Variants in RDH14 observed in about 807,000 individuals in gnomAD.
The protein encoded by RDH14 is alcohol dehydrogenase PAN2.
A neutral mutation model predicts 19.3 loss-of-function variants in RDH14; 17 were observed. The observed-to-expected ratio is 0.88, with a 90% CI of 0.60 to 1.32. The LOEUF (loss-of-function observed/expected upper bound fraction) is 1.32. Ranked by LOEUF, RDH14 falls within the 40% of genes most tolerant of loss-of-function variation. RDH14 has a pLI of 0.00. For synonymous variants in RDH14, 215 were observed against 188.9 expected, an observed-to-expected ratio of 1.14 and a Z score of -1.13; for missense variants, 534 against 449.2, an observed-to-expected ratio of 1.19 and a Z score of -1.71.
chr2:18,555,647 G>A lies in RDH14; in HGVS notation c.555C>T (p.Ser185=). ...GTTTGGAAGAAACTACCACAATCCT[G>A]CTGGGAGCTGAACTTTTGAGGAGTC... ...LLGLLKSSAP[S]RIVVVSSKLY... Residue 185 remains serine (S), a synonymous_variant, in exon 2 of 2, where the codon AGC becomes AGT. Transcript: ENST00000381249. 4 of 1,614,078 alleles carry A rather than the reference G, an allele frequency of 2.5e-6. No individual in the cohort carries two copies. The highest frequency in any genetic ancestry group is 3.4e-6 in the Non-Finnish European group (4 of 1,179,970).
chr2:18,558,307 TA>T (rs1270967902), intron 1 of RDH14, among the ~76,000 whole-genome samples: 1 of 152,222 alleles, frequency 6.6e-6, no homozygotes, highest in East Asian at 1.9e-4. Context: ...ATAAACATAT[TA>T]TTTTTTTCTT....
At position 18,555,462 on chromosome 2, in the gene RDH14, G is replaced by C; in HGVS notation, c.740C>G (p.Pro247Arg). The change falls in exon 2 of 2, where the codon CCT (proline) becomes CGT (arginine). Residue 247 changes from proline (P) to arginine (R), a missense_variant. Transcript: ENST00000381249. ...CCCCAGATTTGTCCGTACAATACCA[G>C]GATGCAACACATTGACGGTGACATT... is the stretch of plus-strand genomic sequence containing the variant. The part of the protein sequence containing the change: ...GTNVTVNVLH[P>R]GIVRTNLGRH... The C allele has an allele frequency of 1.2e-6, 2 of 1,614,146 alleles. No homozygotes were observed. Among genetic ancestry groups the C allele is most frequent in the Non-Finnish European group, 1.7e-6 (2 of 1,180,008 alleles).
chr2:18,555,538 G>GT lies in RDH14; in HGVS notation c.663dup (p.Leu222ThrfsTer3). 1 of 1,614,180 alleles carries GT rather than the reference G, an allele frequency of 6.2e-7. No individual in the cohort carries two copies. The highest frequency in any genetic ancestry group is 8.5e-7 in the Non-Finnish European group (1 of 1,180,000). ...TCCCTGGTAAAAAGAATGTTAGCCAGTTTGCTCCGGCTATAACAAAAGCTT... is the reference window on the plus strand; with the variant it reads ...TCCCTGGTAAAAAGAATGTTAGCCAGTTTTGCTCCGGCTATAACAAAAGCTT... On this transcript the variant is annotated frameshift_variant, in exon 2 of 2. Coordinates refer to ENST00000381249, the MANE Select transcript of RDH14 (RefSeq NM_020905.4). LOFTEE classifies it high-confidence loss of function.
At position 18,555,253 on chromosome 2, in the gene RDH14, C is replaced by T; in HGVS notation, c.949G>A (p.Asp317Asn). The T allele has an allele frequency of 6.2e-7, 1 of 1,614,118 alleles. No homozygotes were observed. Among genetic ancestry groups the T allele is most frequent in the Non-Finnish European group, 8.5e-7 (1 of 1,179,970 alleles). The change falls in exon 2 of 2, where the codon GAT becomes AAT. Residue 317 changes from aspartate (D) to asparagine (N), a missense_variant. Coordinates refer to ENST00000381249, the MANE Select transcript of RDH14 (RefSeq NM_020905.4). ...KEEELLPKAMDESVARKLWDI... is the reference protein window; with the variant it reads ...KEEELLPKAMNESVARKLWDI... ...CAGAGTTTTCTTGCAACAGATTCAT[C>T]CATAGCTTTGGGCAACAGTTCTTCC... is the stretch of plus-strand genomic sequence containing the variant.
chr2:18,558,003 G>T (rs750668050), intron 1 of RDH14, among the ~76,000 whole-genome samples: 1 of 152,202 alleles, frequency 6.6e-6, no homozygotes, highest in African/African-American at 2.4e-5. Flanking sequence ...TTAAATTTTC[G>T]AGGGAAACAC....
Position 18,555,014 on chromosome 2 carries a change from T to A in RDH14, c.*177A>T. The A allele has an allele frequency of 2.3e-6, 2 of 854,794 alleles. No homozygotes were observed. Among genetic ancestry groups the A allele is most frequent in the Non-Finnish European group, 3.4e-6 (2 of 583,912 alleles). 53.0% of individuals were successfully genotyped at this position (854,794 alleles called of 1,614,324 possible). A position where few individuals can be genotyped will look rare whatever the true frequency, so the allele number is the denominator to read the frequency against. ...ATATTTAAAACATCTTTGCTGAAAT[T>A]CTCTTATCCCAAAAATAATTTTTCA... On this transcript the variant is annotated 3_prime_UTR_variant, in exon 2 of 2. Transcript: ENST00000381249.
rs1207446397 is a variant in RDH14, at chr2:18,560,380, G to A, written c.193C>T (p.Arg65Cys). 1 of 1,474,848 alleles carries A rather than the reference G, an allele frequency of 6.8e-7. No individual in the cohort carries two copies. Among genetic ancestry groups the A allele is most frequent in the African/African-American group, 1.5e-5 (1 of 68,122 alleles). The allele number at this position is 1,474,848 out of a possible 1,614,324, so 91.4% of individuals were successfully genotyped here. ...LGRATAAELL[R>C]LGARVIMGCR... Reference sequence around the variant, plus strand: ...CCCATGATCACCCGCGCTCCCAGGCGCAGTAGCTCGGCGGCCGTGGCGCGG... The same window carrying A: ...CCCATGATCACCCGCGCTCCCAGGCACAGTAGCTCGGCGGCCGTGGCGCGG... Residue 65 changes from arginine (R) to cysteine (C), a missense_variant, in exon 1 of 2, where the codon CGC (arginine) becomes TGC (cysteine). Coordinates refer to ENST00000381249, the MANE Select transcript of RDH14 (RefSeq NM_020905.4).
At chr2:18,557,096 C>T (rs566249161) in intron 1 of RDH14, among the ~76,000 whole-genome samples, 366 of 152,300 alleles carry the variant, frequency 2.4e-3, no homozygotes, top group African/African-American at 8.4e-3. Context: ...GCTTCTGTAT[C>T]TTTCCAAATT....
At chr2:18,555,983 T>G (rs1663907588) in intron 1 of RDH14, among the ~76,000 whole-genome samples, 175 bp from the exon 2 acceptor site, 1 of 152,198 alleles carries the variant, frequency 6.6e-6, no homozygotes, top group African/African-American at 2.4e-5. Context: ...AATTTTGTGT[T>G]TAATAAATGG....
At position 18,560,168 on chromosome 2, in the gene RDH14, C is replaced by G; in HGVS notation, c.393+12G>C. 1 of 1,525,628 alleles carries G rather than the reference C, an allele frequency of 6.6e-7. No homozygotes were observed. The highest frequency in any genetic ancestry group is 8.8e-7 in the Non-Finnish European group (1 of 1,142,726). The allele number at this position is 1,525,628 out of a possible 1,614,324, so 94.5% of individuals were successfully genotyped here. A position where few individuals can be genotyped will look rare whatever the true frequency, so the allele number is the denominator to read the frequency against. ...GGCCCTCCCCACCAGCCCGGCCCCC[C>G]GAGGCCCACACCTGGAGCATTTCCT... is the stretch of plus-strand genomic sequence containing the variant. On this transcript the variant is annotated intron_variant, in intron 1 of 1. Coordinates refer to ENST00000381249, the MANE Select transcript of RDH14 (RefSeq NM_020905.4).
rs1572274194 is a variant in RDH14 at position 18,560,547 on chromosome 2, A to G, written c.26T>C (p.Val9Ala). The G allele has an allele frequency of 1.3e-6, 2 of 1,499,674 alleles. No individual in the cohort carries two copies. The highest frequency in any genetic ancestry group is 2.5e-5 in the South Asian group (2 of 80,402). The allele number at this position is 1,499,674 out of a possible 1,614,324, so 92.9% of individuals were successfully genotyped here. Residue 9 changes from valine (V) to alanine (A), a missense_variant, in exon 1 of 2, where the codon GTA becomes GCA. By Grantham distance (64) the Val-to-Ala change is moderately conservative. Coordinates refer to ENST00000381249, the MANE Select transcript of RDH14 (RefSeq NM_020905.4). Reference sequence around the variant, plus strand: ...CAGCGCCCCGCCCAGAGCGGCCAGTACTGCCGCCGCAGTGGCCACTGCCAT... The same window carrying G: ...CAGCGCCCCGCCCAGAGCGGCCAGTGCTGCCGCCGCAGTGGCCACTGCCAT... The part of the protein sequence containing the change: MAVATAAA[V>A]LAALGGALWL...
At chr2:18,557,836 T>C (rs908851913) in intron 1 of RDH14, among the ~76,000 whole-genome samples, 1 of 152,228 alleles carries the variant, frequency 6.6e-6, no homozygotes, top group African/African-American at 2.4e-5. Context: ...CCATCTTTAA[T>C]GCTTCCAAAA....
Position 18,555,819 on chromosome 2 carries a change from C to A in RDH14, c.394-11G>T. The A allele has an allele frequency of 1.3e-6, 2 of 1,579,960 alleles. No individual in the cohort carries two copies. The highest frequency in any genetic ancestry group is 1.1e-5 in the South Asian group (1 of 87,268). On this transcript the variant is annotated splice_polypyrimidine_tract_variant and intron_variant, in intron 1 of 1. Coordinates refer to ENST00000381249, the MANE Select transcript of RDH14 (RefSeq NM_020905.4). ...CAGCCTAGGCTCTTCCTTTAAATGT[C>A]AAAAAGAGAATGGCAGAATTATTAA...
At chr2:18,557,190 C>T (rs1433087161) in intron 1 of RDH14, among the ~76,000 whole-genome samples, 3 of 137,742 alleles carry the variant, frequency 2.2e-5, no homozygotes, top group Non-Finnish European at 4.7e-5. Flanking sequence ...AGCCTTTTCT[C>T]GGTTGTTCTG....
chr2:18,555,544 T>C lies in RDH14; in HGVS notation c.658A>G (p.Ser220Gly). The change falls in exon 2 of 2, where the codon AGC becomes GGC. Residue 220 changes from serine (S) to glycine (G), a missense_variant. Transcript: ENST00000381249. ...SYNKSFCYSR[S>G]KLANILFTRE... ...GTAAAAAGAATGTTAGCCAGTTTGC[T>C]CCGGCTATAACAAAAGCTTTTATTA... 2 of 1,614,168 alleles carry C rather than the reference T, an allele frequency of 1.2e-6. No homozygotes were observed. Among genetic ancestry groups the C allele is most frequent in the African/African-American group, 1.3e-5 (1 of 75,038 alleles).
At position 18,560,309 on chromosome 2, in the gene RDH14, G is replaced by A. The variant is rs769048362; in HGVS notation, c.264C>T (p.Arg88=). ...ARAEEAAGQL[R]RELRQAAECG... is the part of the protein sequence containing the mutation. ...ACTCCGCGGCCTGGCGGAGCTCGCGGCGGAGCTGACCCGCCGCCTCCTCGG... is the reference window on the plus strand; with the variant it reads ...ACTCCGCGGCCTGGCGGAGCTCGCGACGGAGCTGACCCGCCGCCTCCTCGG... Residue 88 remains arginine (R), a synonymous_variant, in exon 1 of 2, where the codon CGC becomes CGT. Transcript: ENST00000381249. 84 of 1,464,250 alleles carry A rather than the reference G, an allele frequency of 5.7e-5. 1 individual carries two copies. In the Admixed American group the frequency reaches 1.8e-3, roughly 31 times the overall value. The allele number at this position is 1,464,250 out of a possible 1,614,324, so 90.7% of individuals were successfully genotyped here. A position where few individuals can be genotyped will look rare whatever the true frequency, so the allele number is the denominator to read the frequency against.
In RDH14 at chr2:18,560,438, A is replaced by T. The variant is rs1273811107; in HGVS notation, c.135T>A (p.Thr45=). ...GGDPGLMHGK[T]VLITGANSGL... The stretch of plus-strand genomic sequence containing the variant: ...CGCTGTTCGCCCCGGTGATCAGCAC[A>T]GTCTTCCCGTGCATGAGGCCGGGGT... Residue 45 remains threonine, a synonymous_variant, in exon 1 of 2, where the codon ACT becomes ACA. Coordinates refer to ENST00000381249, the MANE Select transcript of RDH14 (RefSeq NM_020905.4). 1.3e-6 allele frequency: 2 copies of T among 1,514,064 alleles called. No individual in the cohort carries two copies. Among genetic ancestry groups the T allele is most frequent in the South Asian group, 1.2e-5 (1 of 82,114 alleles). The allele number at this position is 1,514,064 out of a possible 1,614,324, so 93.8% of individuals were successfully genotyped here. A position where few individuals can be genotyped will look rare whatever the true frequency, so the allele number is the denominator to read the frequency against.
At chr2:18,559,622 A>C (rs1664028148) in intron 1 of RDH14, among the ~76,000 whole-genome samples, 1 of 152,218 alleles carries the variant, frequency 6.6e-6, no homozygotes, top group Non-Finnish European at 1.5e-5. Flanking sequence ...ACTGGGTTCC[A>C]AAATGTATTC....
In RDH14 at chr2:18,560,653, C is replaced by A; in HGVS notation, c.-81G>T. 7.4e-7 allele frequency: 1 copy of A among 1,357,092 alleles called. No individual in the cohort carries two copies. Among genetic ancestry groups the A allele is most frequent in the Non-Finnish European group, 9.4e-7 (1 of 1,061,380 alleles). The allele number at this position is 1,357,092 out of a possible 1,614,324, so 84.1% of individuals were successfully genotyped here. A position where few individuals can be genotyped will look rare whatever the true frequency, so the allele number is the denominator to read the frequency against. ...ACCGGAACCCAAGAGACCACCTGTA[C>A]GCGGAGAACGCTGGGGCGCGGCGGG... is the stretch of plus-strand genomic sequence containing the variant. On this transcript the variant is annotated 5_prime_UTR_variant, in exon 1 of 2. Coordinates refer to ENST00000381249, the MANE Select transcript of RDH14 (RefSeq NM_020905.4).
Sources: allele counts gnomAD v4.1 joint callset (sites outside exome capture counted in the v4.1 genomes callset), GRCh38; gene constraint gnomAD v4.1.1; transcripts MANE v1.5; gene names NCBI Gene and HGNC (gene_info 2026-07-23, HGNC 2026-07-21).